Variants in LRBA observed in about 807,000 individuals in gnomAD.
LRBA encodes LPS responsive beige-like anchor protein.
In LRBA, 176 loss-of-function variants were observed where a neutral mutation model predicts 330.0. That is an observed-to-expected ratio of 0.53 (90% CI 0.47 to 0.60). The LOEUF is 0.60. Among genes scored for constraint, LRBA ranks in the 20% least tolerant of loss-of-function variants. The pLI, the probability that LRBA is intolerant of heterozygous loss-of-function variation, is 0.00. For synonymous variants in LRBA, 1,230 were observed against 1,193.0 expected (o/e 1.03, Z -0.64); for missense variants, 3,259 against 3,444.8 (o/e 0.95, Z 1.35).
At chr4:150,568,665 T>C (rs999161874) in intron 40 of LRBA, among the ~76,000 whole-genome samples, 1 of 152,168 alleles carries the variant, frequency 6.6e-6, no homozygotes, top group Non-Finnish European at 1.5e-5. Flanking sequence ...TGTTTTCTTA[T>C]TACAACTTAA....
At chr4:150,944,604 C>G (rs1417815748) in intron 2 of LRBA, among the ~76,000 whole-genome samples, 1 of 151,904 alleles carries the variant, frequency 6.6e-6, no homozygotes, top group Admixed American at 6.6e-5. Context: ...GGCAAGAAGA[C>G]AGTTTTGGCA....
At chr4:150,685,102 T>C (rs1003947580) in intron 36 of LRBA, among the ~76,000 whole-genome samples, 11 of 151,850 alleles carry the variant, frequency 7.2e-5, no homozygotes, top group African/African-American at 2.7e-4. Context: ...GGAAGCTCTC[T>C]GTACCATGAG....
intron 2 of LRBA, among the ~76,000 whole-genome samples, chr4:151,009,586 C>T (rs1480235509): frequency 7.3e-5 from 11 of 150,296 alleles, no homozygotes; most frequent in East Asian, 4.0e-4. Context: ...TGGTGGCATA[C>T]GCCTCTAAGT....
intron 2 of LRBA, among the ~76,000 whole-genome samples, chr4:150,974,279 T>C (rs1739904286): frequency 6.6e-6 from 1 of 152,148 alleles, no homozygotes; most frequent in Admixed American, 6.5e-5. Flanking sequence ...TGGCTGGAAT[T>C]CAAGGAGAAG....
intron 47 of LRBA, among the ~76,000 whole-genome samples, chr4:150,359,800 G>C (rs756728853): frequency 6.6e-6 from 1 of 151,868 alleles, no homozygotes; most frequent in African/African-American, 2.4e-5. Context: ...CCAACACAGT[G>C]AAACCCCGTC....
chr4:150,620,989 A>T (rs1282129619), intron 37 of LRBA, among the ~76,000 whole-genome samples: 3 of 152,138 alleles, frequency 2.0e-5, no homozygotes, highest in African/African-American at 7.2e-5. Flanking sequence ...TAGTTTTGAA[A>T]TTTTTTTGGA....
chr4:150,563,242 A>G (rs985715483), intron 40 of LRBA, among the ~76,000 whole-genome samples: 2 of 152,134 alleles, frequency 1.3e-5, no homozygotes, highest in African/African-American at 4.8e-5. Flanking sequence ...TTTAAAATCT[A>G]TGTTTTTACA....
intron 37 of LRBA, among the ~76,000 whole-genome samples, chr4:150,651,398 C>G (rs1779697274): frequency 6.6e-6 from 1 of 152,046 alleles, no homozygotes; most frequent in Non-Finnish European, 1.5e-5. Context: ...TAGATAAGTA[C>G]TTAAGTATTA....
At chr4:150,372,841 A>T (rs964438681) in intron 47 of LRBA, among the ~76,000 whole-genome samples, 1 of 150,938 alleles carries the variant, frequency 6.6e-6, no homozygotes, top group Non-Finnish European at 1.5e-5. Context: ...TACTAAGTAC[A>T]GCTGACCTGT....
intron 36 of LRBA, among the ~76,000 whole-genome samples, chr4:150,691,178 C>G (rs1784105518): frequency 6.6e-6 from 1 of 152,014 alleles, no homozygotes; most frequent in South Asian, 2.1e-4. Flanking sequence ...GATCTGCCCG[C>G]CTTGGCCTCC....
intron 46 of LRBA, among the ~76,000 whole-genome samples, chr4:150,431,575 AT>A (rs1441212618): frequency 6.6e-6 from 1 of 152,212 alleles, no homozygotes; most frequent in African/African-American, 2.4e-5. Flanking sequence ...AAAATGTAAA[AT>A]ATCTAATAAT....
chr4:150,719,985 G>T (rs553840195), intron 36 of LRBA, among the ~76,000 whole-genome samples: 30 of 152,140 alleles, frequency 2.0e-4, no homozygotes, highest in African/African-American at 7.0e-4. Flanking sequence ...AAAAAATGAG[G>T]ATTTCTAAGA....
At chr4:150,749,762 CAAA>C (rs1733285638) in intron 35 of LRBA, among the ~76,000 whole-genome samples, 1 of 151,690 alleles carries the variant, frequency 6.6e-6, no homozygotes, top group East Asian at 1.9e-4. Flanking sequence ...AAAAACAAAA[CAAA>C]CAAATAAGCA....
In LRBA at chr4:150,970,556, T is replaced by C. The variant is rs200497192; in HGVS notation, c.217-41491A>G. On this transcript the variant is annotated intron_variant, in intron 2 of 56. Coordinates refer to ENST00000651943, the MANE Select transcript of LRBA (RefSeq NM_001364905.1). Reference sequence around the variant, plus strand: ...GTGTGTGTGTGTGTGTGTGTGTGTGTACACACACACACACACACACACACA... The same window carrying C: ...GTGTGTGTGTGTGTGTGTGTGTGTGCACACACACACACACACACACACACA... The C allele has an allele frequency of 1.1e-3, 45 of 41,684 alleles. No homozygotes were observed. In the South Asian group the frequency reaches 0.026, roughly 24 times the overall value. The allele number at this position is 41,684 out of a possible 1,614,324, so 2.6% of individuals were successfully genotyped here. A position where few individuals can be genotyped will look rare whatever the true frequency, so the allele number is the denominator to read the frequency against.
chr4:150,769,661 C>T (rs1736288170), intron 34 of LRBA, among the ~76,000 whole-genome samples: 1 of 152,142 alleles, frequency 6.6e-6, no homozygotes, highest in Admixed American at 6.5e-5. Flanking sequence ...TTTACTCAGT[C>T]TACCAATTTA....
intron 46 of LRBA, among the ~76,000 whole-genome samples, chr4:150,427,784 T>TA (rs1427582200): frequency 6.6e-6 from 1 of 152,076 alleles, no homozygotes; most frequent in African/African-American, 2.4e-5. Flanking sequence ...TTAAGTTTTT[T>TA]AAAAAATAAA....
rs936738591 is a variant in LRBA at position 150,321,793 on chromosome 4, G to A, written c.7453-425C>T. Among the ~76,000 whole-genome samples, 1 of 152,014 alleles carries A rather than the reference G, an allele frequency of 6.6e-6. No homozygotes were observed. The highest frequency in any genetic ancestry group is 1.5e-5 in the Non-Finnish European group (1 of 68,010). ...AAAAAACAGTAAGAATGGACAACAGGCATAAAAGCAAGACAAGGTAATTTC... is the reference window on the plus strand; with the variant it reads ...AAAAAACAGTAAGAATGGACAACAGACATAAAAGCAAGACAAGGTAATTTC... On this transcript the variant is annotated intron_variant, in intron 49 of 56. Transcript: ENST00000651943. This position sits in a 1 kb window ranked among gnomAD's most constrained non-coding sequence, Gnocchi z 4.5.
intron 56 of LRBA, among the ~76,000 whole-genome samples, chr4:150,272,026 C>T (rs768329844): frequency 6.6e-6 from 1 of 152,228 alleles, no homozygotes; most frequent in Non-Finnish European, 1.5e-5. Context: ...GTCAAACTGC[C>T]TCCTCAAGTG....
rs537872817 is a variant in LRBA at position 150,839,438 on chromosome 4, G to A, written c.4569+4662C>T. Among the ~76,000 whole-genome samples the A allele has an allele frequency of 7.7e-4, 117 of 152,280 alleles. 2 individuals carry two copies. The Middle Eastern group carries it at 0.01, about 13-fold the overall frequency. ...TGCTGCTATAAAGACACATGCACAC[G>A]TATGTTCACTGCAGGACTATTCACA... On this transcript the variant is annotated intron_variant, in intron 28 of 56. Coordinates refer to ENST00000651943, the MANE Select transcript of LRBA (RefSeq NM_001364905.1).
Sources: gnomAD v4.1 joint callset for allele counts (sites outside exome capture counted in the v4.1 genomes callset) on GRCh38, gnomAD v4.1.1 for gene constraint, Gnocchi (gnomAD v3.1) non-coding constraint, MANE v1.5 for transcripts, NCBI Gene and HGNC (gene_info 2026-07-23, HGNC 2026-07-21) for gene names.